The following ZSCAN1 variants were observed in gnomAD, a reference collection of about 807,000 sequenced individuals.
ZSCAN1 encodes zinc finger and SCAN domain-containing protein 1.
A neutral mutation model predicts 23.8 loss-of-function variants in ZSCAN1; 23 were observed. The ratio of observed to expected loss-of-function variants is 0.97; its 90% CI spans 0.70 to 1.37. The LOEUF (loss-of-function observed/expected upper bound fraction) is 1.37, where lower values mean the gene tolerates loss of function less well. Among genes scored for constraint, ZSCAN1 ranks in the 40% most tolerant of loss-of-function variants. The pLI is 0.00. For missense variants in ZSCAN1, 575 were observed against 554.0 expected (o/e 1.04, Z -0.38); for synonymous variants, 236 against 232.3 (o/e 1.02, Z -0.15).
chr19:58,038,233 G>C (rs758669684), intron 3 of ZSCAN1, 27 bp downstream of exon 3: 1 of 1,579,884 alleles, frequency 6.3e-7, no homozygotes, highest in South Asian at 1.1e-5. Context: ...TCCTGCCCCG[G>C]GCCGGGCCAG....
chr19:58,053,683 C>T lies in ZSCAN1; in HGVS notation c.859C>T (p.Arg287Ter), dbSNP rs868098372. 5.6e-6 allele frequency: 9 copies of T among 1,613,976 alleles called. No individual in the cohort carries two copies. Among genetic ancestry groups the T allele is most frequent in the Admixed American group, 3.3e-5 (2 of 60,002 alleles). Residue 287 changes from arginine to a stop codon, truncating the protein, a stop_gained, in exon 6 of 6, where the codon CGA (arginine) becomes TGA (stop). Coordinates refer to ENST00000282326, the MANE Select transcript of ZSCAN1 (RefSeq NM_182572.4). LOFTEE classifies it low-confidence loss of function (END_TRUNC). The surrounding 1 kb of genome is among the most constrained non-coding windows in gnomAD (Gnocchi z 5.8). ...CATCTCGGTAGTGCCGCGTGGGCCC[C>T]GAGGTGGGCGGCCCTTCCAGTGTGC... ...AGISVVPRGP[R>*]GGRPFQCADC...
intron 3 of ZSCAN1, 155 bp downstream of exon 3, chr19:58,038,361 T>C: frequency 3.1e-6 from 3 of 967,250 alleles, no homozygotes; most frequent in Non-Finnish European, 4.5e-6. Flanking sequence ...TTTTTAATTA[T>C]TTTTACATAT....
intron 4 of ZSCAN1, chr19:58,044,537 AAGG>A (rs1214905859): frequency 4.9e-5 from 23 of 473,000 alleles, no homozygotes; most frequent in African/African-American, 2.6e-4. Context: ...CGCCGCGGAG[AAGG>A]AGGAGGAGCC....
At chr19:58,052,785 T>C (rs746602990) in intron 5 of ZSCAN1, among the ~76,000 whole-genome samples, 157 bp downstream of exon 5, 36 of 152,118 alleles carry the variant, frequency 2.4e-4, no homozygotes, top group Non-Finnish European at 4.7e-4. Context: ...GACTGAGATC[T>C]GGGGCCCCTA....
intron 4 of ZSCAN1, among the ~76,000 whole-genome samples, chr19:58,044,332 T>G (rs1285592590): frequency 1.3e-5 from 2 of 151,240 alleles, no homozygotes; most frequent in East Asian, 3.9e-4. Context: ...TGATACATCA[T>G]TATCCCACAG....
intron 3 of ZSCAN1, among the ~76,000 whole-genome samples, chr19:58,038,911 C>T (rs2073763863): frequency 6.6e-6 from 1 of 152,216 alleles, no homozygotes. Flanking sequence ...AGGGCTTCCC[C>T]AGCAGGGCCC....
chr19:58,046,131 G>A, intron 4 of ZSCAN1: 1 of 706,878 alleles, frequency 1.4e-6, no homozygotes, highest in South Asian at 1.6e-5. Flanking sequence ...TGCAGTCAGA[G>A]ACCATGAAGG....
chr19:58,051,673 A>G (rs1190359230), intron 4 of ZSCAN1, among the ~76,000 whole-genome samples: 2 of 152,206 alleles, frequency 1.3e-5, no homozygotes, highest in Non-Finnish European at 2.9e-5. Flanking sequence ...TTGACTCAAC[A>G]TACCTCCTCC....
intron 4 of ZSCAN1, chr19:58,044,892 C>A: frequency 2.5e-6 from 2 of 804,558 alleles, no homozygotes; most frequent in Non-Finnish European, 4.4e-6. Flanking sequence ...GGCCTCGGTG[C>A]CTTCCTGCCC....
intron 4 of ZSCAN1, among the ~76,000 whole-genome samples, chr19:58,042,296 A>C (rs954423204): frequency 2.7e-5 from 4 of 150,810 alleles, no homozygotes; most frequent in South Asian, 2.1e-4. Context: ...CTTGCTCTGT[A>C]GCCCAGGCTG....
chr19:58,046,006 G>A (rs763121341), intron 4 of ZSCAN1: 3 of 706,074 alleles, frequency 4.2e-6, no homozygotes, highest in Non-Finnish European at 7.7e-6. Context: ...GGAGCACCGC[G>A]AGAAGGAGCT....
At chr19:58,046,676 G>T in intron 4 of ZSCAN1, 1 of 878,306 alleles carries the variant, frequency 1.1e-6, no homozygotes, top group Non-Finnish European at 2.0e-6. Context: ...GTCTCCACCA[G>T]TCAGGTGGCC....
chr19:58,051,789 C>T (rs2073860025), intron 4 of ZSCAN1, among the ~76,000 whole-genome samples: 1 of 152,248 alleles, frequency 6.6e-6, no homozygotes, highest in East Asian at 1.9e-4. Context: ...ACGTAGCACC[C>T]ACATCCTCAC....
At chr19:58,036,121 C>T (rs2073733927) in intron 2 of ZSCAN1, 110 bp downstream of exon 2, 1 of 152,238 alleles carries the variant, frequency 6.6e-6, no homozygotes, top group Non-Finnish European at 1.5e-5. Context: ...TGCCTCATGT[C>T]ATCTGTACAT....
At chr19:58,042,604 TG>T (rs2073797815) in intron 4 of ZSCAN1, among the ~76,000 whole-genome samples, 1 of 152,162 alleles carries the variant, frequency 6.6e-6, no homozygotes, top group Admixed American at 6.5e-5. Context: ...CAAAGTTTCG[TG>T]GGCCGTGGTT....
chr19:58,051,978 A>G (rs1485737809), intron 4 of ZSCAN1, among the ~76,000 whole-genome samples: 1 of 152,232 alleles, frequency 6.6e-6, no homozygotes, highest in African/African-American at 2.4e-5. Flanking sequence ...ATCAGAGGTC[A>G]TAGGTCGCAG....
chr19:58,046,710 AG>A (rs2073828692), intron 4 of ZSCAN1: 1 of 824,734 alleles, frequency 1.2e-6, no homozygotes, highest in African/African-American at 1.7e-5. Context: ...CACTGGAAAA[AG>A]AGGAGAAAGG....
At chr19:58,044,619 G>A (rs1471046552) in intron 4 of ZSCAN1, 3 of 1,058,238 alleles carry the variant, frequency 2.8e-6, no homozygotes, top group African/African-American at 1.6e-5. Context: ...AGCTGCCGCG[G>A]CTGGGCGCCC....
rs764729016 is a variant in ZSCAN1 at position 58,053,454 on chromosome 19, G to A, written c.630G>A (p.Lys210=). The change falls in exon 6 of 6, where the codon AAG becomes AAA. Residue 210 remains lysine (K), a synonymous_variant. Transcript: ENST00000282326. The surrounding 1 kb of genome is among the most constrained non-coding windows in gnomAD (Gnocchi z 5.8). ...LLGSRARLPL[K]PSIWDEPEDL... is the part of the protein sequence containing the mutation. ...GGTCCCGGGCCCGCTTGCCTCTGAA[G>A]CCGAGTATCTGGGACGAGCCTGAGG... The A allele has an allele frequency of 6.2e-7, 1 of 1,611,876 alleles. No homozygotes were observed. The highest frequency in any genetic ancestry group is 1.7e-4 in the Middle Eastern group (1 of 6,052).
Sources: allele counts gnomAD v4.1 joint callset (sites outside exome capture counted in the v4.1 genomes callset), GRCh38; gene constraint gnomAD v4.1.1; non-coding constraint Gnocchi (gnomAD v3.1); transcripts MANE v1.5; gene names NCBI Gene and HGNC (gene_info 2026-07-23, HGNC 2026-07-21).